SPTBN1: variants seen among roughly 807,000 people sequenced by gnomAD.
SPTBN1 encodes spectrin beta chain, non-erythrocytic 1.
Under a neutral mutation model 266.4 loss-of-function variants are expected in SPTBN1, and 32 were observed. The ratio of observed to expected loss-of-function variants is 0.12; its 90% CI spans 0.09 to 0.16. The LOEUF (loss-of-function observed/expected upper bound fraction) is 0.16, where lower values mean the gene tolerates loss of function less well. Among genes scored for constraint, SPTBN1 ranks in the 10% least tolerant of loss-of-function variants. The probability of loss-of-function intolerance (pLI) is 1.00; values close to 1 mark genes in which losing one functional copy is unlikely to be tolerated. For missense variants in SPTBN1, 2,296 were observed against 3,067.1 expected (o/e 0.75, Z 5.94); for synonymous variants, 1,336 against 1,162.2 (o/e 1.15, Z -3.04).
chr2:54,600,215 A>G (rs903952097), intron 3 of SPTBN1, among the ~76,000 whole-genome samples: 7 of 152,166 alleles, frequency 4.6e-5, no homozygotes, highest in African/African-American at 1.7e-4. Context: ...CCCTTGTCCT[A>G]TTTGTTATCA....
intron 2 of SPTBN1, among the ~76,000 whole-genome samples, chr2:54,532,872 C>T (rs1671339735): frequency 6.6e-6 from 1 of 152,128 alleles, no homozygotes; most frequent in African/African-American, 2.4e-5. Flanking sequence ...GCTTGAGGTG[C>T]AGTAACAAAA....
intron 2 of SPTBN1, among the ~76,000 whole-genome samples, chr2:54,581,509 C>T (rs767416948): frequency 6.6e-6 from 1 of 151,820 alleles, no homozygotes; most frequent in Non-Finnish European, 1.5e-5. Context: ...TTTGCTCACT[C>T]CTCCTAGGCA....
chr2:54,566,522 C>G (rs1289384780), intron 2 of SPTBN1, among the ~76,000 whole-genome samples: 1 of 152,062 alleles, frequency 6.6e-6, no homozygotes, highest in South Asian at 2.1e-4. Context: ...TTAATATTCT[C>G]TGCTGCATTG....
intron 2 of SPTBN1, among the ~76,000 whole-genome samples, chr2:54,565,626 A>G (rs977029048): frequency 6.6e-5 from 10 of 152,238 alleles, no homozygotes; most frequent in African/African-American, 9.6e-5. Flanking sequence ...TAAATAATCT[A>G]TTGAATTTAA....
chr2:54,563,237 A>G (rs1385057364), intron 2 of SPTBN1, among the ~76,000 whole-genome samples: 1 of 152,134 alleles, frequency 6.6e-6, no homozygotes, highest in Non-Finnish European at 1.5e-5. Flanking sequence ...TGGAGAACTG[A>G]TTCTATTGGC....
At chr2:54,660,091 C>T (rs17416291) in intron 32 of SPTBN1, 92 bp downstream of exon 32, 68,524 of 1,612,544 alleles carry the variant, frequency 0.042, 1,828 homozygotes, top group Admixed American at 0.11. Context: ...CTGTGAAGTT[C>T]ACTACCATTT....
chr2:54,568,498 A>T (rs1251559010), intron 2 of SPTBN1, among the ~76,000 whole-genome samples: 1 of 152,156 alleles, frequency 6.6e-6, no homozygotes, highest in Non-Finnish European at 1.5e-5. Flanking sequence ...ATTTTAACTA[A>T]ATATAAAAAT....
In SPTBN1 at chr2:54,558,928, A is replaced by T. The variant is rs116224280; in HGVS notation, c.148+32362A>T. 66,678 of 1,595,776 alleles carry T rather than the reference A, an allele frequency of 0.042. 1,785 individuals carry two copies. Among genetic ancestry groups the T allele is most frequent in the Admixed American group, 0.11 (6,601 of 57,624 alleles). ...AAGGCCGGGCCTGTCCTGGGTGCCA[A>T]CGGGGGTTCTTGGAGGCTTTATTTG... On this transcript the variant is annotated intron_variant, in intron 2 of 35. Transcript: ENST00000356805. This position sits in a 1 kb window ranked among gnomAD's most constrained non-coding sequence, Gnocchi z 4.6.
intron 2 of SPTBN1, among the ~76,000 whole-genome samples, chr2:54,531,025 G>C (rs988989634): frequency 3.9e-5 from 6 of 151,924 alleles, no homozygotes; most frequent in African/African-American, 1.2e-4. Context: ...GGGGTGCCCT[G>C]AGAGGACATG....
intron 7 of SPTBN1, 85 bp downstream of exon 7, chr2:54,618,278 T>C: frequency 8.4e-7 from 1 of 1,192,874 alleles, no homozygotes; most frequent in Non-Finnish European, 1.2e-6. Context: ...TGTCAGTCTG[T>C]TTCATTTGGG....
At chr2:54,647,666 C>T (rs1471644844) in intron 24 of SPTBN1, among the ~76,000 whole-genome samples, 2 of 152,242 alleles carry the variant, frequency 1.3e-5, no homozygotes, top group Non-Finnish European at 2.9e-5. Context: ...GTGGCGAAAC[C>T]TCATCTCTAC....
At chr2:54,541,605 G>T (rs1217513484) in intron 2 of SPTBN1, among the ~76,000 whole-genome samples, 1 of 152,152 alleles carries the variant, frequency 6.6e-6, no homozygotes, top group Non-Finnish European at 1.5e-5. Flanking sequence ...CATTTTAATT[G>T]ACATACGCAA....
At chr2:54,667,453 C>T (rs977603196) in intron 34 of SPTBN1, 151 bp from the exon 35 acceptor site, 15 of 604,878 alleles carry the variant, frequency 2.5e-5, no homozygotes, top group Admixed American at 5.7e-5. Flanking sequence ...TGGGCCTGGG[C>T]GGGTCCCCAG....
At chr2:54,484,085 C>G (rs1452491689) in intron 1 of SPTBN1, among the ~76,000 whole-genome samples, 2 of 152,086 alleles carry the variant, frequency 1.3e-5, no homozygotes, top group Admixed American at 6.6e-5. Flanking sequence ...CCTTGGGAGG[C>G]TGAGGTTGGA....
chr2:54,600,432 C>CAA (rs1453004022), intron 3 of SPTBN1, among the ~76,000 whole-genome samples: 5 of 151,922 alleles, frequency 3.3e-5, no homozygotes, highest in Non-Finnish European at 7.4e-5. Context: ...TCACACTAGA[C>CAA]AAACTAGACA....
In SPTBN1 at chr2:54,613,862, A is replaced by G. The variant is rs567528186; in HGVS notation, c.474+1528A>G. On this transcript the variant is annotated intron_variant, in intron 4 of 35. Coordinates refer to ENST00000356805, the MANE Select transcript of SPTBN1 (RefSeq NM_003128.3). ...ACTCCTCTAGCTTCACCCCAGTTTT[A>G]TGGAGTAAAATGTTGTATTTCTGTT... 2.8e-4 allele frequency among the ~76,000 whole-genome samples: 43 copies of G among 152,310 alleles called. 1 individual carries two copies. The highest frequency in any genetic ancestry group is 7.8e-4 in the Admixed American group (12 of 15,306).
At chr2:54,660,129 T>C (rs1232894936) in intron 32 of SPTBN1, 130 bp downstream of exon 32, 2 of 1,582,580 alleles carry the variant, frequency 1.3e-6, no homozygotes, top group Non-Finnish European at 1.7e-6. Context: ...CCAAATCCTC[T>C]GGGTTTTGAC....
At chr2:54,469,798 T>C (rs1475126375) in intron 1 of SPTBN1, among the ~76,000 whole-genome samples, 1 of 152,226 alleles carries the variant, frequency 6.6e-6, no homozygotes, top group African/African-American at 2.4e-5. Flanking sequence ...AGGTGACTTC[T>C]CTGAGAGGGG....
At chr2:54,543,013 CA>C (rs1409306884) in intron 2 of SPTBN1, among the ~76,000 whole-genome samples, 1 of 152,200 alleles carries the variant, frequency 6.6e-6, no homozygotes, top group African/African-American at 2.4e-5. Flanking sequence ...GAGGCTCTCT[CA>C]GTCTGCCTGT....
Sources: allele counts gnomAD v4.1 joint callset (sites outside exome capture counted in the v4.1 genomes callset), GRCh38; gene constraint gnomAD v4.1.1; non-coding constraint Gnocchi (gnomAD v3.1); transcripts MANE v1.5; gene names NCBI Gene and HGNC (gene_info 2026-07-23, HGNC 2026-07-21).